CPEB2: variants seen among roughly 807,000 people sequenced by gnomAD.
The protein encoded by CPEB2 is cytoplasmic polyadenylation element binding protein 2, also known as cytoplasmic polyadenylation element-binding protein 2.
In CPEB2, 56 loss-of-function variants were observed where a neutral mutation model predicts 93.6. That is an observed-to-expected ratio of 0.60 (90% confidence interval 0.48 to 0.75). CPEB2 has a LOEUF of 0.75. CPEB2 is among the 30% of genes least tolerant of loss of function. CPEB2 has a pLI of 0.00. For synonymous variants in CPEB2, 764 were observed against 586.3 expected (o/e 1.30, Z -4.38); for missense variants, 1,579 against 1,395.1 (o/e 1.13, Z -2.10).
At chr4:15,016,545 A>G (rs983438380) in intron 3 of CPEB2, among the ~76,000 whole-genome samples, 2 of 151,856 alleles carry the variant, frequency 1.3e-5, no homozygotes, top group Admixed American at 1.3e-4. Flanking sequence ...TTTGCAGGGG[A>G]GTTGGGGGAG....
intron 11 of CPEB2, among the ~76,000 whole-genome samples, chr4:15,062,509 C>A (rs79713865): frequency 6.6e-6 from 1 of 151,970 alleles, no homozygotes; most frequent in South Asian, 2.1e-4. Context: ...CCAGTAAGGT[C>A]AAATATTCTA....
At position 15,052,435 on chromosome 4, in the gene CPEB2, T is replaced by C. The variant is rs745590301; in HGVS notation, c.2222T>C (p.Ile741Thr). The change falls in exon 7 of 12, where the codon ATA becomes ACA. Residue 741 changes from isoleucine (I) to threonine (T), a missense_variant. Transcript: ENST00000538197. ...RRRGRSSLFPIDDGLLDDGHS... is the reference protein window; with the variant it reads ...RRRGRSSLFPTDDGLLDDGHS... ...CTAGGTCGTTCTTCCCTCTTTCCAA[T>C]AGATGATGGCTTGCTTGATGATGGT... 1.8e-5 allele frequency: 27 copies of C among 1,535,958 alleles called. No homozygotes were observed. The Admixed American group carries it at 4.5e-4, about 25-fold the overall frequency.
intron 2 of CPEB2, 95 bp from the exon 3 acceptor site, chr4:15,008,243 T>G: frequency 2.4e-6 from 2 of 846,746 alleles, no homozygotes. Flanking sequence ...GGATTTAAGA[T>G]AGAGCTTTAT....
rs1170187588 is a variant in CPEB2, at chr4:15,004,542, C to T, written c.1662+207C>T. On this transcript the variant is annotated intron_variant, in intron 1 of 11. Coordinates refer to ENST00000538197, the MANE Select transcript of CPEB2 (RefSeq NM_001177382.2). ...CCCCGGTGGGTTGGGAGGGCAGTGG[C>T]CACCGTGGGCTGTGGGGGCGTGGGA... Among the ~76,000 whole-genome samples the T allele has an allele frequency of 3.3e-5, 5 of 152,204 alleles. No individual in the cohort carries two copies. The East Asian group carries it at 9.7e-4, about 30-fold the overall frequency.
At chr4:15,026,691 A>G (rs1398793467) in intron 4 of CPEB2, among the ~76,000 whole-genome samples, 1 of 152,242 alleles carries the variant, frequency 6.6e-6, no homozygotes, top group Non-Finnish European at 1.5e-5. Flanking sequence ...GCATTTTCTC[A>G]TAATTCATAC....
intron 6 of CPEB2, among the ~76,000 whole-genome samples, chr4:15,043,341 G>A (rs1727361783): frequency 6.6e-6 from 1 of 152,122 alleles, no homozygotes. Flanking sequence ...TTCTGTCCCT[G>A]CTTTTTAGTT....
At chr4:15,043,675 C>T (rs1560242291) in intron 6 of CPEB2, among the ~76,000 whole-genome samples, 1 of 152,010 alleles carries the variant, frequency 6.6e-6, no homozygotes, top group Admixed American at 6.5e-5. Flanking sequence ...TAAAGGGCTA[C>T]TGTGTTCCAA....
intron 5 of CPEB2, 151 bp downstream of exon 5, chr4:15,033,362 A>G (rs541537789): frequency 9.9e-5 from 64 of 643,656 alleles, no homozygotes; most frequent in Middle Eastern, 8.2e-4. Context: ...AGGCAGAATT[A>G]GGAATCTGAG....
chr4:15,003,330 C>G lies in CPEB2; in HGVS notation c.657C>G (p.Leu219=). The change falls in exon 1 of 12, where the codon CTC becomes CTG. Residue 219 remains leucine, a synonymous_variant. Coordinates refer to ENST00000538197, the MANE Select transcript of CPEB2 (RefSeq NM_001177382.2). ...SPPPPPAGPL[L]QPAQLAQRQQ... ...CGCCGCCGCCAGCCGGCCCGCTCCT[C>G]CAGCCGGCGCAGCTCGCTCAGCGCC... 7.1e-7 allele frequency: 1 copy of G among 1,405,758 alleles called. No individual in the cohort carries two copies. Among genetic ancestry groups the G allele is most frequent in the South Asian group, 1.6e-5 (1 of 61,936 alleles). 87.1% of individuals were successfully genotyped at this position (1,405,758 alleles called of 1,614,324 possible). A position where few individuals can be genotyped will look rare whatever the true frequency, so the allele number is the denominator to read the frequency against.
Position 15,003,033 on chromosome 4 carries a change from C to G in CPEB2, c.360C>G (p.Asp120Glu). Residue 120 changes from aspartate (D) to glutamate (E), a missense_variant, in exon 1 of 12, where the codon GAC (aspartate) becomes GAG (glutamate). Asp to Glu is a conservative substitution (Grantham distance 45). This residue lies in a region of CPEB2 where 1,411 missense variants were observed against 1,056.0 expected (regional missense o/e 1.34). Transcript: ENST00000538197. ...SGAAATEKLP[D>E]HHPGGGTIAG... ...CGGCGGCCACGGAGAAACTCCCCGA[C>G]CACCACCCCGGCGGCGGCACGATCG... The G allele has an allele frequency of 6.6e-7, 1 of 1,507,774 alleles. No individual in the cohort carries two copies. Among genetic ancestry groups the G allele is most frequent in the Non-Finnish European group, 8.8e-7 (1 of 1,137,760 alleles). 93.4% of individuals were successfully genotyped at this position (1,507,774 alleles called of 1,614,324 possible). A position where few individuals can be genotyped will look rare whatever the true frequency, so the allele number is the denominator to read the frequency against.
intron 11 of CPEB2, among the ~76,000 whole-genome samples, chr4:15,064,241 G>T (rs1729477936): frequency 6.6e-6 from 1 of 152,012 alleles, no homozygotes; most frequent in Admixed American, 6.6e-5. Flanking sequence ...GTGACTTCTA[G>T]TAAATGTTAG....
chr4:15,065,321 C>A (rs1013626243), intron 11 of CPEB2, among the ~76,000 whole-genome samples: 6 of 152,070 alleles, frequency 3.9e-5, no homozygotes. Context: ...GTTCTGTTGT[C>A]TCCTAAGGAA....
At chr4:15,039,398 T>C (rs180874368) in intron 5 of CPEB2, among the ~76,000 whole-genome samples, 1 of 152,196 alleles carries the variant, frequency 6.6e-6, no homozygotes, top group African/African-American at 2.4e-5. Context: ...TTTATATTTT[T>C]AGGTAGACAT....
intron 4 of CPEB2, among the ~76,000 whole-genome samples, chr4:15,023,149 C>T (rs1055300764): frequency 1.3e-5 from 2 of 151,972 alleles, no homozygotes; most frequent in Non-Finnish European, 2.9e-5. Context: ...AATCCTGTTA[C>T]TCACCACAAA....
intron 4 of CPEB2, among the ~76,000 whole-genome samples, chr4:15,023,598 CT>C (rs967103511): frequency 2.0e-5 from 3 of 151,928 alleles, no homozygotes; most frequent in Admixed American, 6.6e-5. Context: ...ACCTGGTTAA[CT>C]TTTTTAAAAA....
In CPEB2 at chr4:15,003,801, GC is replaced by G; in HGVS notation, c.1131del (p.Gly378AlafsTer80). ...GCGGCTCCGCGTCGCCGCCGCCGCT[GC>G]CCGGCTTCGGCACCCCCTGGTCGGT... ...GGGSASPPPLPGFGTPWSVQT... is the reference protein window; with the variant it reads ...GGGSASPPPLXGFGTPWSVQT... On this transcript the variant is annotated frameshift_variant, in exon 1 of 12. Coordinates refer to ENST00000538197, the MANE Select transcript of CPEB2 (RefSeq NM_001177382.2). LOFTEE classifies it high-confidence loss of function. 9.9e-7 allele frequency: 1 copy of G among 1,014,372 alleles called. No individual in the cohort carries two copies. Among genetic ancestry groups the G allele is most frequent in the Non-Finnish European group, 1.2e-6 (1 of 803,280 alleles). The allele number at this position is 1,014,372 out of a possible 1,614,324, so 62.8% of individuals were successfully genotyped here.
chr4:15,013,896 G>T (rs923881400), intron 3 of CPEB2, among the ~76,000 whole-genome samples: 3 of 151,966 alleles, frequency 2.0e-5, no homozygotes, highest in African/African-American at 7.2e-5. Flanking sequence ...GAAAATAAGA[G>T]ACCTTATAAG....
chr4:15,054,825 T>C (rs1267773483), intron 8 of CPEB2, among the ~76,000 whole-genome samples: 2 of 152,140 alleles, frequency 1.3e-5, no homozygotes, highest in East Asian at 3.9e-4. Context: ...GAAAGGAGTC[T>C]TGAACATTAA....
intron 6 of CPEB2, among the ~76,000 whole-genome samples, chr4:15,051,013 T>C (rs1577451341): frequency 6.6e-6 from 1 of 152,216 alleles, no homozygotes; most frequent in Non-Finnish European, 1.5e-5. Flanking sequence ...TTTCCTTTCT[T>C]ATACCAGTTT....
Sources: gnomAD v4.1 joint callset for allele counts (sites outside exome capture counted in the v4.1 genomes callset) on GRCh38, gnomAD v4.1.1 for gene constraint, gnomAD v4.1.1 regional missense constraint, MANE v1.5 for transcripts, NCBI Gene and HGNC (gene_info 2026-07-23, HGNC 2026-07-21) for gene names.